The following UQCC6 variants were observed in gnomAD, a reference collection of about 807,000 sequenced individuals.
The protein encoded by UQCC6 is protein BRAWNIN.
At chr12:103,960,944 T>C in the UQCC6 span, among the ~76,000 whole-genome samples, 2 of 151,040 alleles carry the variant, frequency 1.3e-5, no homozygotes, top group African/African-American at 5.0e-5. Flanking sequence ...ACTCCTTTTA[T>C]TCTTTTTTAA....
At chr12:103,960,564 T>G in the UQCC6 span, among the ~76,000 whole-genome samples, 1 of 152,342 alleles carries the variant, frequency 6.6e-6, no homozygotes, top group South Asian at 2.1e-4. Context: ...TTCAGATATT[T>G]TTATATGTGG....
chr12:103,953,714 G>A, the UQCC6 span: 1 of 641,432 alleles, frequency 1.6e-6, no homozygotes, highest in Admixed American at 2.2e-5. Flanking sequence ...CAATCAAACT[G>A]AGGTGAGTTT....
the UQCC6 span, among the ~76,000 whole-genome samples, chr12:103,955,141 A>G: frequency 2.6e-5 from 4 of 151,720 alleles, no homozygotes; most frequent in South Asian, 8.4e-4. Flanking sequence ...ACAGTGAAAC[A>G]CCATATCTAC....
At chr12:103,960,431 A>T in the UQCC6 span, among the ~76,000 whole-genome samples, 2 of 152,040 alleles carry the variant, frequency 1.3e-5, no homozygotes, top group Admixed American at 1.3e-4. Context: ...GACATCCCCA[A>T]CCAGTTCCTT....
chr12:103,951,152 A>G, the UQCC6 span: 2 of 157,844 alleles, frequency 1.3e-5, no homozygotes, highest in African/African-American at 2.4e-5. Context: ...AAAACAGTTT[A>G]GCAATGAGAA....
At chr12:103,956,761 G>A in the UQCC6 span, 2 of 1,498,332 alleles carry the variant, frequency 1.3e-6, no homozygotes, top group East Asian at 2.5e-5. Context: ...GGACGGGGAA[G>A]GAAGGGGCAG....
At chr12:103,957,343 C>A in the UQCC6 span, 1 of 151,082 alleles carries the variant, frequency 6.6e-6, no homozygotes, top group African/African-American at 2.4e-5. Flanking sequence ...CCGACACTTT[C>A]TCAGCCCCAG....
the UQCC6 span, among the ~76,000 whole-genome samples, chr12:103,964,245 CTGGT>C: frequency 7.0e-6 from 1 of 143,678 alleles, no homozygotes; most frequent in African/African-American, 2.6e-5. Flanking sequence ...CTCTGCCTCC[CTGGT>C]TCAAGCGATT....
At chr12:103,952,027 G>A in the UQCC6 span, among the ~76,000 whole-genome samples, 1 of 152,096 alleles carries the variant, frequency 6.6e-6, no homozygotes, top group African/African-American at 2.4e-5. Context: ...AATATTAAGT[G>A]CCTATTATAT....
chr12:103,963,780 A>G, the UQCC6 span, among the ~76,000 whole-genome samples: 1 of 152,126 alleles, frequency 6.6e-6, no homozygotes, highest in Non-Finnish European at 1.5e-5. Flanking sequence ...TCCTATATTG[A>G]TATTTTATCT....
the UQCC6 span, among the ~76,000 whole-genome samples, chr12:103,959,488 G>A: frequency 1.3e-5 from 2 of 152,016 alleles, no homozygotes; most frequent in Non-Finnish European, 2.9e-5. Flanking sequence ...CGAGGCAGGC[G>A]GATTGTCTGA....
chr12:103,956,440 C>T, the UQCC6 span: 37 of 548,160 alleles, frequency 6.7e-5, no homozygotes, highest in Non-Finnish European at 1.1e-4. Flanking sequence ...CAATGGGATG[C>T]CATCCAAAGG....
At chr12:103,959,163 C>T in the UQCC6 span, among the ~76,000 whole-genome samples, 1 of 152,226 alleles carries the variant, frequency 6.6e-6, no homozygotes, top group South Asian at 2.1e-4. Context: ...ACGCTGACTC[C>T]ATTCCTTTGG....
chr12:103,951,197 A>C, the UQCC6 span: 1 of 182,386 alleles, frequency 5.5e-6, no homozygotes. Flanking sequence ...TAATGAAACT[A>C]GTTCATAGTT....
the UQCC6 span, among the ~76,000 whole-genome samples, chr12:103,952,510 T>A: frequency 5.3e-5 from 8 of 152,244 alleles, no homozygotes; most frequent in Non-Finnish European, 1.2e-4. Flanking sequence ...TGTGTGAATA[T>A]GTGTTTTCAT....
At chr12:103,956,929 G>A in the UQCC6 span, 3 of 565,720 alleles carry the variant, frequency 5.3e-6, no homozygotes, top group South Asian at 6.5e-5. Context: ...AGGGCACTGA[G>A]AGGACGAACG....
At chr12:103,961,002 C>T in the UQCC6 span, among the ~76,000 whole-genome samples, 2 of 152,038 alleles carry the variant, frequency 1.3e-5, no homozygotes, top group South Asian at 4.1e-4. Flanking sequence ...GGATCCTTCA[C>T]AAGGTACTCC....
chr12:103,953,236 A>G, the UQCC6 span: 5 of 661,438 alleles, frequency 7.6e-6, no homozygotes, highest in South Asian at 8.0e-5. Context: ...GGTAGTAGCA[A>G]AAGAGGTGGT....
chr12:103,955,581 C>G, the UQCC6 span: 1 of 343,960 alleles, frequency 2.9e-6, no homozygotes, highest in Non-Finnish European at 5.7e-6. Context: ...CTGCGGTGAG[C>G]TGATTGCACC....
Sources: allele counts gnomAD v4.1 joint callset (sites outside exome capture counted in the v4.1 genomes callset), GRCh38; gene constraint gnomAD v4.1.1; transcripts MANE v1.5; gene names NCBI Gene and HGNC (gene_info 2026-07-23, HGNC 2026-07-21).